IGF2BP3: variants seen among roughly 807,000 people sequenced by gnomAD.
IGF2BP3 encodes the protein insulin like growth factor 2 mRNA binding protein 3.
A neutral mutation model predicts 73.8 loss-of-function variants in IGF2BP3; 9 were observed. The observed-to-expected ratio is 0.12, with a 90% CI of 0.07 to 0.21. IGF2BP3 has a LOEUF of 0.21. IGF2BP3 is among the 10% of genes least tolerant of loss of function. The pLI, the probability that IGF2BP3 is intolerant of heterozygous loss-of-function variation, is 1.00. For synonymous variants in IGF2BP3, 258 were observed against 256.7 expected, an observed-to-expected ratio of 1.01 and a Z score of -0.05; for missense variants, 542 against 714.0, an observed-to-expected ratio of 0.76 and a Z score of 2.75.
intron 3 of IGF2BP3, among the ~76,000 whole-genome samples, chr7:23,378,877 T>C (rs1323241668): frequency 6.6e-6 from 1 of 151,996 alleles, no homozygotes; most frequent in Non-Finnish European, 1.5e-5. Context: ...TGGCCTTCTC[T>C]TCTATTCGTA....
chr7:23,467,452 G>C (rs1171031993), intron 2 of IGF2BP3, among the ~76,000 whole-genome samples: 2 of 152,146 alleles, frequency 1.3e-5, no homozygotes, highest in Admixed American at 1.3e-4. Context: ...GGATGGGAGA[G>C]GGGCAGGCAG....
At chr7:23,440,138 CTG>C in intron 2 of IGF2BP3, among the ~76,000 whole-genome samples, 1 of 152,264 alleles carries the variant, frequency 6.6e-6, no homozygotes, top group South Asian at 2.1e-4. Flanking sequence ...TGGCACGCGC[CTG>C]CAGTCCCAGC....
chr7:23,343,419 A>G (rs1363615196), intron 9 of IGF2BP3, among the ~76,000 whole-genome samples: 1 of 152,244 alleles, frequency 6.6e-6, no homozygotes, highest in Non-Finnish European at 1.5e-5. Flanking sequence ...AAACTCTCTC[A>G]AATTAACATT....
chr7:23,335,471 G>A (rs1008513150), intron 10 of IGF2BP3, among the ~76,000 whole-genome samples: 1 of 132,642 alleles, frequency 7.5e-6, no homozygotes, highest in Non-Finnish European at 1.6e-5. Flanking sequence ...TTTTTTTTTT[G>A]TAGAGACAGA....
At chr7:23,442,418 G>C (rs1247029037) in intron 2 of IGF2BP3, among the ~76,000 whole-genome samples, 1 of 147,992 alleles carries the variant, frequency 6.8e-6, no homozygotes, top group Admixed American at 6.8e-5. Context: ...GTTTTTTTTA[G>C]ATGGAGACTT....
chr7:23,415,966 T>C (rs762439361), intron 3 of IGF2BP3, among the ~76,000 whole-genome samples: 3 of 152,218 alleles, frequency 2.0e-5, no homozygotes, highest in African/African-American at 7.2e-5. Context: ...GTTCTTATTA[T>C]ATCATAGCTA....
intron 10 of IGF2BP3, among the ~76,000 whole-genome samples, chr7:23,332,825 G>T (rs1286691521): frequency 6.6e-6 from 1 of 151,930 alleles, no homozygotes; most frequent in African/African-American, 2.4e-5. Flanking sequence ...TCATCATTCT[G>T]GTCCTTGTAT....
At position 23,312,127 on chromosome 7, in the gene IGF2BP3, C is replaced by CTTTT. The variant is rs1013824031; in HGVS notation, c.*231_*234dup. 8.9e-6 allele frequency: 4 copies of CTTTT among 450,594 alleles called. No homozygotes were observed. Among genetic ancestry groups the CTTTT allele is most frequent in the African/African-American group, 6.5e-5 (3 of 46,362 alleles). 27.9% of individuals were successfully genotyped at this position (450,594 alleles called of 1,614,324 possible). A position where few individuals can be genotyped will look rare whatever the true frequency, so the allele number is the denominator to read the frequency against. On this transcript the variant is annotated 3_prime_UTR_variant, in exon 15 of 15. Transcript: ENST00000258729. ...CTTCTCTTTCCCTCCCTCCCCCACC[C>CTTTT]TTTTTTTGTTTGTTTGTTTGTTTGT...
At chr7:23,464,795 A>G (rs1241668899) in intron 2 of IGF2BP3, among the ~76,000 whole-genome samples, 1 of 152,010 alleles carries the variant, frequency 6.6e-6, no homozygotes, top group Non-Finnish European at 1.5e-5. Flanking sequence ...AATATTAACT[A>G]TAATATCCTA....
At chr7:23,378,401 G>GTTTTTTTTTTTTTT (rs373876363) in intron 3 of IGF2BP3, among the ~76,000 whole-genome samples, 11,736 of 125,484 alleles carry the variant, frequency 0.094, 1,076 homozygotes, top group African/African-American at 0.13. Flanking sequence ...TCTCTTCTTG[G>GTTTTTTTTTTTTTT]TTTTTTTTTG....
chr7:23,312,111 C>G lies in IGF2BP3; in HGVS notation c.*251G>C. ...AGGGAAGTGCAGAGCTCTTCTCTTTCCCTCCCTCCCCCACCCTTTTTTTGT... is the reference window on the plus strand; with the variant it reads ...AGGGAAGTGCAGAGCTCTTCTCTTTGCCTCCCTCCCCCACCCTTTTTTTGT... On this transcript the variant is annotated 3_prime_UTR_variant, in exon 15 of 15. Coordinates refer to ENST00000258729, the MANE Select transcript of IGF2BP3 (RefSeq NM_006547.3). The G allele has an allele frequency of 2.2e-5, 9 of 416,456 alleles. No homozygotes were observed. The highest frequency in any genetic ancestry group is 6.5e-4 in the Middle Eastern group (1 of 1,532). 25.8% of individuals were successfully genotyped at this position (416,456 alleles called of 1,614,324 possible).
At chr7:23,327,426 G>A (rs537501780) in intron 10 of IGF2BP3, among the ~76,000 whole-genome samples, 88 of 151,846 alleles carry the variant, frequency 5.8e-4, no homozygotes, top group Admixed American at 9.2e-4. Context: ...GACTACAGGC[G>A]CCCACCATCA....
chr7:23,440,567 G>A, intron 2 of IGF2BP3, among the ~76,000 whole-genome samples: 1 of 152,232 alleles, frequency 6.6e-6, no homozygotes, highest in Non-Finnish European at 1.5e-5. Flanking sequence ...TTTTGGAAAT[G>A]CGTAAGCTTT....
intron 10 of IGF2BP3, among the ~76,000 whole-genome samples, chr7:23,322,082 T>C (rs558760622): frequency 1.8e-3 from 270 of 152,316 alleles, no homozygotes; most frequent in Middle Eastern, 3.4e-3. Flanking sequence ...GAGAGTGACT[T>C]TGATGAGCTG....
At chr7:23,438,811 G>A (rs1042499582) in intron 2 of IGF2BP3, among the ~76,000 whole-genome samples, 1 of 150,760 alleles carries the variant, frequency 6.6e-6, no homozygotes, top group Non-Finnish European at 1.5e-5. Context: ...CAGAAAAGAT[G>A]ACAGATTTCC....
At chr7:23,427,715 T>C (rs536343933) in intron 2 of IGF2BP3, among the ~76,000 whole-genome samples, 1 of 149,696 alleles carries the variant, frequency 6.7e-6, no homozygotes, top group Admixed American at 6.6e-5. Context: ...CTACTAAAAA[T>C]AGAAAAATTA....
At chr7:23,375,034 T>C (rs918988345) in intron 3 of IGF2BP3, among the ~76,000 whole-genome samples, 14 of 152,214 alleles carry the variant, frequency 9.2e-5, no homozygotes, top group Non-Finnish European at 1.5e-4. Context: ...TATGCTCATA[T>C]ATTCACATAT....
chr7:23,372,594 G>A (rs1384862561), intron 3 of IGF2BP3, among the ~76,000 whole-genome samples: 2 of 152,056 alleles, frequency 1.3e-5, no homozygotes, highest in Non-Finnish European at 2.9e-5. Context: ...TTCCATTCCT[G>A]AGTTACTTCA....
At chr7:23,317,538 G>C (rs1221968709) in intron 12 of IGF2BP3, 101 bp downstream of exon 12, 6 of 816,582 alleles carry the variant, frequency 7.3e-6, no homozygotes, top group Non-Finnish European at 1.3e-5. Context: ...AATTTCCATT[G>C]ACTCTTTCTG....
Sources: gnomAD v4.1 joint callset for allele counts (sites outside exome capture counted in the v4.1 genomes callset) on GRCh38, gnomAD v4.1.1 for gene constraint, MANE v1.5 for transcripts, NCBI Gene and HGNC (gene_info 2026-07-23, HGNC 2026-07-21) for gene names.